The following ERCC2 variants were observed in gnomAD, a reference collection of about 807,000 sequenced individuals.
ERCC2 encodes the protein ERCC excision repair 2, TFIIH core complex helicase subunit, also known as general transcription and DNA repair factor IIH helicase subunit XPD.
A neutral mutation model predicts 99.4 loss-of-function variants in ERCC2; 90 were observed. The observed-to-expected ratio is 0.91, with a 90% CI of 0.76 to 1.08. The LOEUF (loss-of-function observed/expected upper bound fraction) is 1.08. Ranked by LOEUF, ERCC2 falls within the 50% of genes least tolerant of loss-of-function variation. The pLI, the probability that ERCC2 is intolerant of heterozygous loss-of-function variation, is 0.00. For missense variants in ERCC2, 993 were observed against 1,038.1 expected (o/e 0.96, Z 0.60); for synonymous variants, 497 against 432.4 (o/e 1.15, Z -1.85).
intron 16 of ERCC2, among the ~76,000 whole-genome samples, chr19:45,355,082 C>T (rs142188520): frequency 8.1e-4 from 123 of 152,336 alleles, no homozygotes; most frequent in Middle Eastern, 3.4e-3. Flanking sequence ...AGGGGCCGGG[C>T]GCTGTGGCTC....
intron 15 of ERCC2, 61 bp from the exon 16 acceptor site, chr19:45,355,789 G>T: frequency 7.9e-7 from 1 of 1,263,778 alleles, no homozygotes; most frequent in South Asian, 1.2e-5. Context: ...CGTGAGTGCT[G>T]ACCACCTGCT....
chr19:45,360,442 A>G (rs1972180154), intron 12 of ERCC2, among the ~76,000 whole-genome samples: 1 of 149,658 alleles, frequency 6.7e-6, no homozygotes, highest in Non-Finnish European at 1.5e-5. Flanking sequence ...CAGTGCCACA[A>G]TCTTGGCTCA....
rs1456509694 is a variant in ERCC2 at position 45,363,751 on chromosome 19, C to A, written c.1110G>T (p.Lys370Asn). 2.0e-6 allele frequency: 3 copies of A among 1,533,860 alleles called. No individual in the cohort carries two copies. Among genetic ancestry groups the A allele is most frequent in the Non-Finnish European group, 8.7e-7 (1 of 1,146,362 alleles). The change falls in exon 11 of 23, where the codon AAG (lysine) becomes AAT (asparagine). Residue 370 changes from lysine to asparagine, a missense_variant. Around this residue, in one of 3 missense-constraint regions of ERCC2, gnomAD observed 909 missense variants for 930.8 expected, o/e 0.98. Coordinates refer to ENST00000391945, the MANE Select transcript of ERCC2 (RefSeq NM_000400.4). The stretch of plus-strand genomic sequence containing the variant: ...GCTGTCTGGGGCCGCACCTGAGGGG[C>A]TTGCGCTGGATGCACACGCGCTGGG... ...GLAQRVCIQR[K>N]PLRFCAERLR...
intron 12 of ERCC2, chr19:45,358,980 A>C: frequency 1.4e-6 from 1 of 710,384 alleles, no homozygotes; most frequent in South Asian, 1.5e-5. Flanking sequence ...AAAAAAAATC[A>C]AGTCCTCTGT....
intron 7 of ERCC2, 34 bp downstream of exon 7, chr19:45,364,804 C>T: frequency 2.0e-6 from 3 of 1,528,564 alleles, no homozygotes; most frequent in Non-Finnish European, 2.7e-6. Context: ...CACCCTCACA[C>T]TCGCCCCTCT....
At position 45,350,968 on chromosome 19, in the gene ERCC2, T is replaced by C. The variant is rs755377157; in HGVS notation, c.*661A>G. The C allele has an allele frequency of 5.3e-5, 85 of 1,613,970 alleles. No homozygotes were observed. The highest frequency in any genetic ancestry group is 6.9e-5 in the Non-Finnish European group (81 of 1,180,030). On this transcript the variant is annotated 3_prime_UTR_variant, in exon 23 of 23. Coordinates refer to ENST00000391945, the MANE Select transcript of ERCC2 (RefSeq NM_000400.4). Reference sequence around the variant, plus strand: ...CCTCTTTGCAGAATGAAGAGAGCCATGTCACTCAACACACTGAACGTGGAT... The same window carrying C: ...CCTCTTTGCAGAATGAAGAGAGCCACGTCACTCAACACACTGAACGTGGAT...
chr19:45,365,649 G>A (rs1972401407), intron 5 of ERCC2, among the ~76,000 whole-genome samples: 1 of 151,656 alleles, frequency 6.6e-6, no homozygotes, highest in South Asian at 2.1e-4. Flanking sequence ...AAATGAGCCA[G>A]GTGTGGTGGT....
At chr19:45,365,343 G>A (rs1434763766) in intron 5 of ERCC2, among the ~76,000 whole-genome samples, 185 bp from the exon 6 acceptor site, 1 of 152,216 alleles carries the variant, frequency 6.6e-6, no homozygotes, top group Non-Finnish European at 1.5e-5. Context: ...TGGGCTGGGC[G>A]CGGTGGCTCA....
chr19:45,350,760 C>G lies in ERCC2; in HGVS notation c.*869G>C, dbSNP rs1286229015. 1 of 1,602,012 alleles carries G rather than the reference C, an allele frequency of 6.2e-7. No homozygotes were observed. On this transcript the variant is annotated 3_prime_UTR_variant, in exon 23 of 23. Coordinates refer to ENST00000391945, the MANE Select transcript of ERCC2 (RefSeq NM_000400.4). ...CAGGAGCAGCCGGGTGAGTGTTGAT[C>G]AGGTCGGCAAAGAGCCCTGACATCA...
intron 17 of ERCC2, among the ~76,000 whole-genome samples, chr19:45,353,853 G>T (rs1971917806): frequency 6.6e-6 from 1 of 152,192 alleles, no homozygotes; most frequent in African/African-American, 2.4e-5. Context: ...AGATGAATTT[G>T]AGGTACCTCA....
intron 2 of ERCC2, among the ~76,000 whole-genome samples, chr19:45,369,833 A>G (rs889946943): frequency 6.6e-6 from 1 of 151,900 alleles, no homozygotes; most frequent in African/African-American, 2.4e-5. Flanking sequence ...CCGCCACCAC[A>G]CCTGGCTAAT....
rs746618110 is a variant in ERCC2 at position 45,352,315 on chromosome 19, C to G, written c.2084G>C (p.Arg695Pro). 1 of 1,614,050 alleles carries G rather than the reference C, an allele frequency of 6.2e-7. No individual in the cohort carries two copies. Among genetic ancestry groups the G allele is most frequent in the Non-Finnish European group, 8.5e-7 (1 of 1,180,014 alleles). ...ARGDKRGKLPRWIQEHLTDAN... is the reference protein window; with the variant it reads ...ARGDKRGKLPPWIQEHLTDAN... Reference sequence around the variant, plus strand: ...ATCTGTGAGGTGCTCCTGGATCCAGCGGGGCAGCTTCCCCCGCTTGTCCCC... The same window carrying G: ...ATCTGTGAGGTGCTCCTGGATCCAGGGGGGCAGCTTCCCCCGCTTGTCCCC... The change falls in exon 22 of 23, where the codon CGC becomes CCC. Residue 695 changes from arginine (R) to proline (P), a missense_variant. By Grantham distance (103) the Arg-to-Pro change is moderately radical. Coordinates refer to ENST00000391945, the MANE Select transcript of ERCC2 (RefSeq NM_000400.4).
chr19:45,359,867 C>T (rs1229327436), intron 12 of ERCC2, among the ~76,000 whole-genome samples: 4 of 151,038 alleles, frequency 2.6e-5, no homozygotes, highest in African/African-American at 7.3e-5. Flanking sequence ...CTCCGCCTCC[C>T]GGGTTCAAGC....
chr19:45,359,838 G>A (rs751505621), intron 12 of ERCC2, among the ~76,000 whole-genome samples: 14 of 150,054 alleles, frequency 9.3e-5, no homozygotes, highest in African/African-American at 2.7e-4. Flanking sequence ...CAGCTGGTGT[G>A]ATCTCGGCTC....
chr19:45,352,405 C>T (rs1439530870), intron 21 of ERCC2, 53 bp from the exon 22 acceptor site: 4 of 1,613,582 alleles, frequency 2.5e-6, no homozygotes, highest in Non-Finnish European at 2.5e-6. Flanking sequence ...GAGCCTGGGC[C>T]ACTCTCCACC....
Position 45,361,520 on chromosome 19 carries a change from T to C in ERCC2, c.1237+4A>G. On this transcript the variant is annotated splice_donor_region_variant and intron_variant, in intron 12 of 22. Coordinates refer to ENST00000391945, the MANE Select transcript of ERCC2 (RefSeq NM_000400.4). ...CCAGCAGGGACAGAAAAAGGTGAGCTTACCTTTGGCGTAGGTGCTGACAAG... is the reference window on the plus strand; with the variant it reads ...CCAGCAGGGACAGAAAAAGGTGAGCCTACCTTTGGCGTAGGTGCTGACAAG... 6.2e-7 allele frequency: 1 copy of C among 1,607,254 alleles called. No homozygotes were observed. The highest frequency in any genetic ancestry group is 8.5e-7 in the Non-Finnish European group (1 of 1,173,864).
At chr19:45,367,274 G>A (rs1418704501) in intron 5 of ERCC2, among the ~76,000 whole-genome samples, 8 of 151,916 alleles carry the variant, frequency 5.3e-5, no homozygotes, top group South Asian at 2.1e-4. Flanking sequence ...GGCGGAGCTT[G>A]TAGTAAGCCA....
Position 45,369,056 on chromosome 19 carries a change from A to G in ERCC2, c.183+14T>C, listed in dbSNP as rs1200868496. On this transcript the variant is annotated intron_variant, in intron 3 of 22. Transcript: ENST00000391945. ...TTCCTTTGTCTGCCTTTACGGGTTC[A>G]GCGCATCACTCACTCTCTGGTATGC... is the stretch of plus-strand genomic sequence containing the variant. The G allele has an allele frequency of 7.4e-6, 12 of 1,614,048 alleles. No homozygotes were observed. The highest frequency in any genetic ancestry group is 1.7e-5 in the Admixed American group (1 of 60,024).
chr19:45,365,607 T>C (rs1186248820), intron 5 of ERCC2, among the ~76,000 whole-genome samples: 2 of 151,112 alleles, frequency 1.3e-5, no homozygotes, highest in African/African-American at 2.4e-5. Context: ...TGAGACACCA[T>C]CTCAAAAAAA....
Sources: gnomAD v4.1 joint callset for allele counts (sites outside exome capture counted in the v4.1 genomes callset) on GRCh38, gnomAD v4.1.1 for gene constraint, gnomAD v4.1.1 regional missense constraint, MANE v1.5 for transcripts, NCBI Gene and HGNC (gene_info 2026-07-23, HGNC 2026-07-21) for gene names.